The following BTAF1 variants were observed in gnomAD, a reference collection of about 807,000 sequenced individuals.
The protein encoded by BTAF1 is TATA-binding protein-associated factor 172.
In BTAF1, 38 loss-of-function variants were observed where a neutral mutation model predicts 227.1. The observed-to-expected ratio is 0.17, with a 90% CI of 0.13 to 0.22. The LOEUF is 0.22. BTAF1 is among the 10% of genes least tolerant of loss of function. BTAF1 has a pLI of 1.00. For missense variants in BTAF1, 1,598 were observed against 2,204.0 expected (o/e 0.73, Z 5.51); for synonymous variants, 742 against 751.9 (o/e 0.99, Z 0.21).
In BTAF1 at chr10:91,994,539, A is replaced by G. The variant is rs777198334; in HGVS notation, c.3204A>G (p.Gly1068=). ...ACAGACAATATATTTTAACAGATGG[A>G]AAATCCCTCCTGGATAAGGGAGATA... The part of the protein sequence containing the change: ...RNTIDINNFD[G]KSLLDKGDSP... The change falls in exon 23 of 38, where the codon GGA becomes GGG. Residue 1068 remains glycine (G), a synonymous_variant. Transcript: ENST00000265990. 2 of 1,607,562 alleles carry G rather than the reference A, an allele frequency of 1.2e-6. No individual in the cohort carries two copies. Among genetic ancestry groups the G allele is most frequent in the Non-Finnish European group, 1.7e-6 (2 of 1,176,228 alleles).
At position 91,946,291 on chromosome 10, in the gene BTAF1, A is replaced by G. The variant is rs1180369904; in HGVS notation, c.400+3723A>G. ...GGAGAATCGCTTCAACCTGGGAGGC[A>G]GAGATTGCGGTGACCCAAGATCGCG... On this transcript the variant is annotated intron_variant, in intron 4 of 37. Transcript: ENST00000265990. 2.0e-5 allele frequency among the ~76,000 whole-genome samples: 3 copies of G among 152,308 alleles called. No homozygotes were observed. In the East Asian group the frequency reaches 5.8e-4, roughly 29 times the overall value.
intron 1 of BTAF1, among the ~76,000 whole-genome samples, chr10:91,925,516 CTT>C (rs6144026): frequency 1.7e-5 from 2 of 114,560 alleles, no homozygotes; most frequent in Non-Finnish European, 1.9e-5. Flanking sequence ...ACGCTAATCT[CTT>C]TTTTTTTTTT....
At chr10:91,947,757 A>T in intron 4 of BTAF1, among the ~76,000 whole-genome samples, 1 of 141,872 alleles carries the variant, frequency 7.0e-6, no homozygotes, top group Non-Finnish European at 1.5e-5. Context: ...AAAAAAAAAA[A>T]GCCAGCTGGG....
In BTAF1 at chr10:92,028,779, T is replaced by A; in HGVS notation, c.5407-11T>A. ...ATTTTATTTTTTTTTTTTTTGCCAA[T>A]TTTTCTTAAGGATGGCAAAGCAGAA... is the stretch of plus-strand genomic sequence containing the variant. On this transcript the variant is annotated splice_polypyrimidine_tract_variant and intron_variant, in intron 37 of 37. Coordinates refer to ENST00000265990, the MANE Select transcript of BTAF1 (RefSeq NM_003972.3). 6.4e-7 allele frequency: 1 copy of A among 1,554,272 alleles called. No homozygotes were observed. The highest frequency in any genetic ancestry group is 8.6e-7 in the Non-Finnish European group (1 of 1,156,914).
At chr10:92,013,465 C>T (rs925085212) in intron 30 of BTAF1, among the ~76,000 whole-genome samples, 2 of 152,112 alleles carry the variant, frequency 1.3e-5, no homozygotes, top group Non-Finnish European at 1.5e-5. Flanking sequence ...TTGAGGATTT[C>T]CCCCAGATAG....
At chr10:91,942,294 A>G in intron 3 of BTAF1, 128 bp from the exon 4 acceptor site, 1 of 622,180 alleles carries the variant, frequency 1.6e-6, no homozygotes, top group Non-Finnish European at 2.4e-6. Context: ...TTAAAAAAAA[A>G]AGTTTGTGTG....
At chr10:91,935,607 C>T (rs1484617178) in intron 1 of BTAF1, 50 bp from the exon 2 acceptor site, 1 of 1,596,596 alleles carries the variant, frequency 6.3e-7, no homozygotes, top group Non-Finnish European at 8.6e-7. Flanking sequence ...TAAACTTGTA[C>T]ATACGAGGAA....
At chr10:91,928,809 T>C (rs991324405) in intron 1 of BTAF1, among the ~76,000 whole-genome samples, 6 of 127,828 alleles carry the variant, frequency 4.7e-5, no homozygotes, top group African/African-American at 1.9e-4. Context: ...TGGATTTCTT[T>C]GGCATTTTTG....
rs534281008 is a variant in BTAF1, at chr10:91,935,510, G to C, written c.15-147G>C. On this transcript the variant is annotated intron_variant, in intron 1 of 37. Transcript: ENST00000265990. ...TGCGGCATTTATCTTTCTGTGTCTG[G>C]CTTATTTCACCATAATGTCTTTCCG... 46 of 786,022 alleles carry C rather than the reference G, an allele frequency of 5.9e-5. No individual in the cohort carries two copies. In the South Asian group the frequency reaches 1.4e-3, roughly 25 times the overall value. The allele number at this position is 786,022 out of a possible 1,614,324, so 48.7% of individuals were successfully genotyped here.
intron 14 of BTAF1, among the ~76,000 whole-genome samples, chr10:91,973,145 C>T (rs1847427580): frequency 6.6e-6 from 1 of 152,158 alleles, no homozygotes; most frequent in Admixed American, 6.5e-5. Context: ...TTTATGGAAG[C>T]AATCATAATG....
rs1000415524 is a variant in BTAF1 at position 92,025,939 on chromosome 10, T to C, written c.5076-653T>C. On this transcript the variant is annotated intron_variant, in intron 35 of 37. Coordinates refer to ENST00000265990, the MANE Select transcript of BTAF1 (RefSeq NM_003972.3). ...ACTCCTGGCTCTGCTATTTAAGCAG[T>C]GTTCTCTTGAGCCTGTTTATCATTC... 1.3e-4 allele frequency among the ~76,000 whole-genome samples: 20 copies of C among 152,186 alleles called. No homozygotes were observed. In the South Asian group the frequency reaches 3.5e-3, roughly 27 times the overall value.
Position 92,008,048 on chromosome 10 carries a change from G to C in BTAF1, c.3661-75G>C, listed in dbSNP as rs1010542020. 4.6e-5 allele frequency: 61 copies of C among 1,313,336 alleles called. 1 individual carries two copies. The highest frequency in any genetic ancestry group is 6.1e-5 in the Non-Finnish European group (58 of 950,682). 81.4% of individuals were successfully genotyped at this position (1,313,336 alleles called of 1,614,324 possible). On this transcript the variant is annotated intron_variant, in intron 25 of 37. Coordinates refer to ENST00000265990, the MANE Select transcript of BTAF1 (RefSeq NM_003972.3). ...TCAGAATTCTTTTTTCTGTGTGTTTGTTTTGTGTTTATTTGATCTAAGAAT... is the reference window on the plus strand; with the variant it reads ...TCAGAATTCTTTTTTCTGTGTGTTTCTTTTGTGTTTATTTGATCTAAGAAT...
chr10:91,928,796 A>G (rs1287557387), intron 1 of BTAF1, among the ~76,000 whole-genome samples: 1 of 122,814 alleles, frequency 8.1e-6, no homozygotes, highest in Non-Finnish European at 1.6e-5. Context: ...AAGCAACCTG[A>G]GATGGATTTC....
intron 13 of BTAF1, among the ~76,000 whole-genome samples, chr10:91,965,420 T>C (rs1846833867): frequency 6.6e-6 from 1 of 152,096 alleles, no homozygotes; most frequent in South Asian, 2.1e-4. Flanking sequence ...ACATGGGTAA[T>C]ACATAAGAGA....
At chr10:91,934,701 T>C (rs1844488557) in intron 1 of BTAF1, among the ~76,000 whole-genome samples, 1 of 152,220 alleles carries the variant, frequency 6.6e-6, no homozygotes, top group African/African-American at 2.4e-5. Flanking sequence ...TCTCCCACTC[T>C]TCTCTTAAGT....
intron 18 of BTAF1, among the ~76,000 whole-genome samples, 191 bp from the exon 19 acceptor site, chr10:91,984,010 T>C (rs549650722): frequency 3.9e-5 from 6 of 152,268 alleles, no homozygotes; most frequent in African/African-American, 1.4e-4. Context: ...TAGTCATTCA[T>C]GTTAAAATTT....
At chr10:92,013,829 T>C (rs199789118) in intron 31 of BTAF1, 21 bp downstream of exon 31, 68 of 1,613,648 alleles carry the variant, frequency 4.2e-5, no homozygotes, top group Middle Eastern at 1.6e-4. Flanking sequence ...GATATAATTA[T>C]AACCCTGTGT....
At chr10:91,950,909 T>TG (rs1845730784) in intron 4 of BTAF1, among the ~76,000 whole-genome samples, 1 of 150,334 alleles carries the variant, frequency 6.7e-6, no homozygotes, top group African/African-American at 2.5e-5. Context: ...CACAGCTCAC[T>TG]GCAGCCTTGA....
At chr10:91,955,050 G>A (rs1404686163) in intron 6 of BTAF1, among the ~76,000 whole-genome samples, 1 of 152,172 alleles carries the variant, frequency 6.6e-6, no homozygotes, top group Non-Finnish European at 1.5e-5. Flanking sequence ...GGCACAAAGG[G>A]GGATAAATAA....
Sources: allele counts gnomAD v4.1 joint callset (sites outside exome capture counted in the v4.1 genomes callset), GRCh38; gene constraint gnomAD v4.1.1; transcripts MANE v1.5; gene names NCBI Gene and HGNC (gene_info 2026-07-23, HGNC 2026-07-21).